The following XRCC6 variants were observed in gnomAD, a reference collection of about 807,000 sequenced individuals.
XRCC6 encodes X-ray repair cross complementing 6, also known as DNA repair protein Ku70.
A neutral mutation model predicts 65.7 loss-of-function variants in XRCC6; 5 were observed. That is an observed-to-expected ratio of 0.08 (90% CI 0.04 to 0.16). XRCC6 has a LOEUF of 0.16. Ranked by LOEUF, XRCC6 falls within the 10% of genes least tolerant of loss-of-function variation. The pLI is 1.00. For synonymous variants in XRCC6, 270 were observed against 270.6 expected, an observed-to-expected ratio of 1.00 and a Z score of 0.02; for missense variants, 447 against 738.1, an observed-to-expected ratio of 0.61 and a Z score of 4.57.
At chr22:41,659,001 T>A (rs2068073957) in intron 11 of XRCC6, among the ~76,000 whole-genome samples, 2 of 152,160 alleles carry the variant, frequency 1.3e-5, no homozygotes, top group African/African-American at 4.8e-5. Context: ...GGGTTTAGAA[T>A]CCAGCGACTC....
At chr22:41,635,425 C>G (rs1331485380) in intron 3 of XRCC6, among the ~76,000 whole-genome samples, 2 of 152,226 alleles carry the variant, frequency 1.3e-5, no homozygotes, top group East Asian at 1.9e-4. Flanking sequence ...ATCACATGAC[C>G]TGTCCAAATT....
At position 41,630,808 on chromosome 22, in the gene XRCC6, G is replaced by A. The variant is rs544416962; in HGVS notation, c.195+2578G>A. On this transcript the variant is annotated intron_variant, in intron 3 of 12. Transcript: ENST00000360079. ...GGTCACAGATCAACAGGATCCCAAG[G>A]CAGAAGAATTTTTCTTAGTACAGAA... is the stretch of plus-strand genomic sequence containing the variant. Among the ~76,000 whole-genome samples, 9 of 152,236 alleles carry A rather than the reference G, an allele frequency of 5.9e-5. No individual in the cohort carries two copies. In the East Asian group the frequency reaches 1.7e-3, roughly 29 times the overall value.
At chr22:41,659,095 C>T (rs777501334) in intron 11 of XRCC6, among the ~76,000 whole-genome samples, 17 of 152,196 alleles carry the variant, frequency 1.1e-4, no homozygotes, top group East Asian at 1.9e-4. Context: ...GGTCCCCGCC[C>T]GGCTAATTTT....
chr22:41,660,700 T>G (rs992746180), intron 11 of XRCC6, among the ~76,000 whole-genome samples: 9 of 152,102 alleles, frequency 5.9e-5, no homozygotes, highest in Non-Finnish European at 1.3e-4. Flanking sequence ...TCACCACCCC[T>G]CCTGTGTTCC....
chr22:41,645,603 A>C (rs1187773376), intron 6 of XRCC6, among the ~76,000 whole-genome samples: 2 of 151,892 alleles, frequency 1.3e-5, no homozygotes, highest in African/African-American at 4.8e-5. Flanking sequence ...CCAAAACTGT[A>C]GTCGGGGAAG....
At chr22:41,649,139 A>AAAAAAAT in intron 7 of XRCC6, among the ~76,000 whole-genome samples, 2 of 88,726 alleles carry the variant, frequency 2.3e-5, no homozygotes, top group South Asian at 8.7e-4. Context: ...AAAAAAAAAA[A>AAAAAAAT]ATATATATAT....
chr22:41,661,228 C>A, intron 11 of XRCC6, 103 bp from the exon 12 acceptor site: 2 of 924,146 alleles, frequency 2.2e-6, no homozygotes, highest in Non-Finnish European at 3.4e-6. Context: ...CCCACCTTAG[C>A]AGTTAGGTGC....
chr22:41,648,765 GAT>G (rs1364498213), intron 7 of XRCC6, among the ~76,000 whole-genome samples: 1 of 152,188 alleles, frequency 6.6e-6, no homozygotes, highest in East Asian at 1.9e-4. Context: ...AGGAGAAAAA[GAT>G]AAGGAATTTT....
intron 6 of XRCC6, among the ~76,000 whole-genome samples, chr22:41,641,674 T>C (rs892502734): frequency 2.0e-5 from 3 of 152,202 alleles, no homozygotes; most frequent in African/African-American, 4.8e-5. Flanking sequence ...CTTTACTTTT[T>C]ATCTCCCAGA....
chr22:41,629,629 C>T (rs2067717551), intron 3 of XRCC6, among the ~76,000 whole-genome samples: 2 of 152,082 alleles, frequency 1.3e-5, no homozygotes, highest in African/African-American at 4.8e-5. Flanking sequence ...GGTAGTTGCA[C>T]AACATTGTGA....
intron 6 of XRCC6, among the ~76,000 whole-genome samples, chr22:41,640,120 AG>A (rs2147090292): frequency 6.6e-6 from 1 of 151,968 alleles, no homozygotes; most frequent in Admixed American, 6.6e-5. Context: ...GGGCTCAGGC[AG>A]TCTTCTGTGG....
intron 10 of XRCC6, among the ~76,000 whole-genome samples, chr22:41,657,938 C>G (rs981631314): frequency 6.6e-6 from 1 of 152,156 alleles, no homozygotes; most frequent in Non-Finnish European, 1.5e-5. Context: ...GTCTTCCTGC[C>G]TATGCCTCCT....
At chr22:41,626,335 GT>G (rs763301715) in intron 2 of XRCC6, among the ~76,000 whole-genome samples, 1 of 151,434 alleles carries the variant, frequency 6.6e-6, no homozygotes, top group Non-Finnish European at 1.5e-5. Context: ...TAGAGATGGG[GT>G]TTCACCATGT....
chr22:41,634,071 GTTC>G (rs1340077600), intron 3 of XRCC6, among the ~76,000 whole-genome samples: 6 of 152,150 alleles, frequency 3.9e-5, no homozygotes, highest in Non-Finnish European at 7.4e-5. Context: ...TATAGTACAT[GTTC>G]TGCATTTAAG....
chr22:41,622,160 A>G (rs1486486966), intron 2 of XRCC6, 74 bp downstream of exon 2: 12 of 1,513,600 alleles, frequency 7.9e-6, no homozygotes, highest in African/African-American at 4.1e-5. Context: ...TGCTGGATGG[A>G]CTTTGCTGTT....
intron 7 of XRCC6, chr22:41,648,239 T>C (rs540319840): frequency 3.9e-5 from 6 of 151,944 alleles, no homozygotes; most frequent in Non-Finnish European, 8.8e-5. Flanking sequence ...CTTAACTCTT[T>C]GGGACTGTGG....
At position 41,639,667 on chromosome 22, in the gene XRCC6, C is replaced by CTTTTTTTTTTTTTTTTT. The variant is rs71184825; in HGVS notation, c.773+1889_773+1890insTTTTTTTTTTTTTTTTT. Among the ~76,000 whole-genome samples the CTTTTTTTTTTTTTTTTT allele has an allele frequency of 3.1e-4, 25 of 81,034 alleles. 5 individuals are homozygous for CTTTTTTTTTTTTTTTTT. The highest frequency in any genetic ancestry group is 4.6e-4 in the East Asian group (1 of 2,160). 53.2% of individuals were successfully genotyped at this position (81,034 alleles called of 152,430 possible). A position where few individuals can be genotyped will look rare whatever the true frequency, so the allele number is the denominator to read the frequency against. ...TCCATGTGTAGCCTAGATTCTCTCT[C>CTTTTTTTTTTTTTTTTT]TTTTTTTTTTTTTGAGATGGAGTCT... On this transcript the variant is annotated intron_variant, in intron 6 of 12. Transcript: ENST00000360079.
rs370823184 is a variant in XRCC6, at chr22:41,661,496, A to G, written c.1636+52A>G. On this transcript the variant is annotated intron_variant, in intron 12 of 12. Transcript: ENST00000360079. ...GCTATTTTTAAAAATTGCTTTTATG[A>G]TAGTCTTATCACAGTGGGCAATATC... 51 of 1,494,692 alleles carry G rather than the reference A, an allele frequency of 3.4e-5. No homozygotes were observed. The African/African-American group carries it at 4.2e-4, about 12-fold the overall frequency. The allele number at this position is 1,494,692 out of a possible 1,614,324, so 92.6% of individuals were successfully genotyped here. A position where few individuals can be genotyped will look rare whatever the true frequency, so the allele number is the denominator to read the frequency against.
At chr22:41,637,030 C>T (rs2067817198) in intron 5 of XRCC6, among the ~76,000 whole-genome samples, 1 of 151,346 alleles carries the variant, frequency 6.6e-6, no homozygotes, top group African/African-American at 2.4e-5. Flanking sequence ...CTGCAGATGG[C>T]CATGCCATTA....
Sources: gnomAD v4.1 joint callset for allele counts (sites outside exome capture counted in the v4.1 genomes callset) on GRCh38, gnomAD v4.1.1 for gene constraint, MANE v1.5 for transcripts, NCBI Gene and HGNC (gene_info 2026-07-23, HGNC 2026-07-21) for gene names.